Variants in UNC13C observed in about 807,000 individuals in gnomAD.
UNC13C encodes protein unc-13 homolog C.
In UNC13C, 174 loss-of-function variants were observed where a neutral mutation model predicts 245.4. The observed-to-expected ratio is 0.71, with a 90% CI of 0.63 to 0.80. The LOEUF (loss-of-function observed/expected upper bound fraction) is 0.80, where lower values mean the gene tolerates loss of function less well. Ranked by LOEUF, UNC13C falls within the 30% of genes least tolerant of loss-of-function variation. The probability of loss-of-function intolerance (pLI) is 0.00; values close to 1 mark genes in which losing one functional copy is unlikely to be tolerated. For missense variants in UNC13C, 2,829 were observed against 2,602.9 expected (o/e 1.09, Z -1.89); for synonymous variants, 992 against 895.1 (o/e 1.11, Z -1.93).
chr15:53,879,932 T>C, the UNC13C span, among the ~76,000 whole-genome samples: 1 of 151,304 alleles, frequency 6.6e-6, no homozygotes, highest in African/African-American at 2.4e-5. Context: ...GAAAAAAATT[T>C]ATCATGCTGC....
intron 4 of UNC13C, among the ~76,000 whole-genome samples, chr15:54,178,443 A>T (rs1282844416): frequency 6.6e-6 from 1 of 152,164 alleles, no homozygotes; most frequent in East Asian, 1.9e-4. Context: ...ATCTCAAATT[A>T]AAAAACAAAG....
chr15:54,336,676 A>G (rs147539800), intron 16 of UNC13C, among the ~76,000 whole-genome samples: 171 of 152,204 alleles, frequency 1.1e-3, no homozygotes, highest in African/African-American at 3.9e-3. Context: ...TGAATCAAGG[A>G]TAACATTTTA....
intron 2 of UNC13C, among the ~76,000 whole-genome samples, chr15:54,061,125 A>G (rs1156333994): frequency 0.045 from 1 of 22 alleles, no homozygotes; most frequent in Non-Finnish European, 0.062. Flanking sequence ...AATAATAATA[A>G]AAAAAAAAGG....
chr15:54,100,002 G>A (rs1217067097), intron 2 of UNC13C, among the ~76,000 whole-genome samples: 2 of 151,380 alleles, frequency 1.3e-5, no homozygotes, highest in Non-Finnish European at 2.9e-5. Flanking sequence ...CAGGAGGCTG[G>A]GGTATGAGAA....
At chr15:54,234,327 T>A (rs530057078) in intron 4 of UNC13C, among the ~76,000 whole-genome samples, 3 of 152,262 alleles carry the variant, frequency 2.0e-5, no homozygotes, top group South Asian at 4.2e-4. Context: ...GGGTATTTTT[T>A]ATGTATGCGC....
At chr15:54,360,766 G>GT (rs1211416669) in intron 17 of UNC13C, among the ~76,000 whole-genome samples, 2 of 151,936 alleles carry the variant, frequency 1.3e-5, no homozygotes, top group Admixed American at 1.3e-4. Flanking sequence ...AGGTTTTTGG[G>GT]TTTTTTATTT....
chr15:54,602,079 A>G (rs1451134797), intron 30 of UNC13C, among the ~76,000 whole-genome samples: 2 of 50,928 alleles, frequency 3.9e-5, no homozygotes, highest in Admixed American at 2.1e-4. Flanking sequence ...CATAGACTGA[A>G]CAGGCAAATA....
chr15:54,015,304 C>G lies in UNC13C; in HGVS notation c.2401C>G (p.Leu801Val), dbSNP rs1358700388. ...TFSFPKFGSTLQRAKSALEVV... is the reference protein window; with the variant it reads ...TFSFPKFGSTVQRAKSALEVV... ...CAGCTTCCCAAAATTTGGATCTACA[C>G]TGCAGAGGGCTAAATCAGCCTTGGA... Residue 801 changes from leucine (L) to valine (V), a missense_variant, in exon 2 of 33, where the codon CTG becomes GTG. Coordinates refer to ENST00000260323, the MANE Select transcript of UNC13C (RefSeq NM_001080534.3). 2 of 1,613,670 alleles carry G rather than the reference C, an allele frequency of 1.2e-6. No homozygotes were observed. Among genetic ancestry groups the G allele is most frequent in the Non-Finnish European group, 1.7e-6 (2 of 1,179,848 alleles).
At chr15:53,877,569 C>CAGAG in the UNC13C span, among the ~76,000 whole-genome samples, 69 of 149,232 alleles carry the variant, frequency 4.6e-4, 1 homozygote, top group East Asian at 2.9e-3. Context: ...TTTGTGGATA[C>CAGAG]AGAGAGAGAG....
chr15:53,873,935 C>T, the UNC13C span, among the ~76,000 whole-genome samples: 1 of 140,762 alleles, frequency 7.1e-6, no homozygotes, highest in East Asian at 2.3e-4. Flanking sequence ...TTCCTTCCTT[C>T]CTTCCTTCCT....
chr15:54,626,815 T>C lies in UNC13C; in HGVS notation c.6360-13T>C. On this transcript the variant is annotated splice_polypyrimidine_tract_variant and intron_variant, in intron 32 of 32. Coordinates refer to ENST00000260323, the MANE Select transcript of UNC13C (RefSeq NM_001080534.3). Reference sequence around the variant, plus strand: ...AAGTTTTTGCTCAAAATTTGTATTTTTAATCCACACAGCATTCTCGGAAAG... The same window carrying C: ...AAGTTTTTGCTCAAAATTTGTATTTCTAATCCACACAGCATTCTCGGAAAG... 2 of 1,597,542 alleles carry C rather than the reference T, an allele frequency of 1.3e-6. No individual in the cohort carries two copies. The highest frequency in any genetic ancestry group is 1.7e-6 in the Non-Finnish European group (2 of 1,171,924).
intron 19 of UNC13C, among the ~76,000 whole-genome samples, chr15:54,440,477 T>G (rs893223217): frequency 4.0e-5 from 6 of 149,692 alleles, no homozygotes; most frequent in African/African-American, 1.5e-4. Flanking sequence ...TGGCTCCAAA[T>G]GACATGATTT....
chr15:54,440,683 A>G (rs1488202422), intron 19 of UNC13C, among the ~76,000 whole-genome samples: 1 of 152,010 alleles, frequency 6.6e-6, no homozygotes, highest in Non-Finnish European at 1.5e-5. Flanking sequence ...CAATAGTGGG[A>G]TTGGTGGATC....
intron 2 of UNC13C, among the ~76,000 whole-genome samples, chr15:54,104,979 G>T (rs190069432): frequency 2.2e-4 from 34 of 152,116 alleles, no homozygotes; most frequent in African/African-American, 7.2e-4. Context: ...TGCTGCCAAT[G>T]TCACTTTCTG....
rs1377154275 is a variant in UNC13C, at chr15:54,234,679, C to T, written c.3072-351C>T. ...CACCATAGCCAGACCAAACTTGCAC[C>T]AAAAATGGTTTGCTTCTGTTTCCTC... On this transcript the variant is annotated intron_variant, in intron 4 of 32. Transcript: ENST00000260323. Among the ~76,000 whole-genome samples the T allele has an allele frequency of 4.6e-5, 7 of 152,218 alleles. No homozygotes were observed. The East Asian group carries it at 1.4e-3, about 29-fold the overall frequency.
chr15:54,005,531 C>G (rs1438540440), intron 1 of UNC13C, among the ~76,000 whole-genome samples: 2 of 152,116 alleles, frequency 1.3e-5, no homozygotes, highest in African/African-American at 4.8e-5. Context: ...AAAAAGCACT[C>G]AAGACAATGC....
At chr15:54,175,581 C>G (rs953139035) in intron 4 of UNC13C, among the ~76,000 whole-genome samples, 2 of 143,264 alleles carry the variant, frequency 1.4e-5, no homozygotes, top group African/African-American at 5.3e-5. Context: ...GGCGCGATCT[C>G]GGCTCACTGC....
chr15:54,623,065 C>T (rs529341540), intron 31 of UNC13C, among the ~76,000 whole-genome samples: 1 of 151,910 alleles, frequency 6.6e-6, no homozygotes, highest in South Asian at 2.1e-4. Flanking sequence ...TGTCAATTTC[C>T]TTAAATATTT....
Position 54,486,289 on chromosome 15 carries a change from A to AC in UNC13C, c.4934-8319_4934-8318insC, listed in dbSNP as rs1567319118. Among the ~76,000 whole-genome samples, 12 of 149,702 alleles carry AC rather than the reference A, an allele frequency of 8.0e-5. No individual in the cohort carries two copies. The South Asian group carries it at 2.6e-3, about 32-fold the overall frequency. Reference sequence around the variant, plus strand: ...CACACACACACACACACACACACACAATATCAGTGTGGTGGCGGGCGCTTG... The same window carrying AC: ...CACACACACACACACACACACACACACATATCAGTGTGGTGGCGGGCGCTTG... On this transcript the variant is annotated intron_variant, in intron 19 of 32. Coordinates refer to ENST00000260323, the MANE Select transcript of UNC13C (RefSeq NM_001080534.3).
Sources: gnomAD v4.1 joint callset for allele counts (sites outside exome capture counted in the v4.1 genomes callset) on GRCh38, gnomAD v4.1.1 for gene constraint, MANE v1.5 for transcripts, NCBI Gene and HGNC (gene_info 2026-07-23, HGNC 2026-07-21) for gene names.